The following PLCB4 variants were observed in gnomAD, a reference collection of about 807,000 sequenced individuals.
The protein encoded by PLCB4 is phospholipase C beta 4.
PLCB4 carries 77 observed loss-of-function variants against 178.8 expected under a neutral mutation model. The observed-to-expected ratio is 0.43, with a 90% CI of 0.36 to 0.52. The LOEUF is 0.52. PLCB4 is among the 20% of genes least tolerant of loss of function. The pLI is 0.00. For synonymous variants in PLCB4, 496 were observed against 490.8 expected (o/e 1.01, Z -0.14); for missense variants, 1,024 against 1,453.4 (o/e 0.70, Z 4.80).
At chr20:9,469,600 C>A (rs528229087) in intron 36 of PLCB4, among the ~76,000 whole-genome samples, 23 of 152,218 alleles carry the variant, frequency 1.5e-4, no homozygotes, top group African/African-American at 2.2e-4. Flanking sequence ...AGGCCCTAAG[C>A]AAGGATGTGG....
chr20:9,245,501 A>C (rs1014548916), intron 3 of PLCB4, among the ~76,000 whole-genome samples: 1 of 152,152 alleles, frequency 6.6e-6, no homozygotes, highest in Non-Finnish European at 1.5e-5. Flanking sequence ...GCATCTCTAC[A>C]AAAGAGAGGC....
intron 12 of PLCB4, among the ~76,000 whole-genome samples, chr20:9,374,730 A>G (rs1210801785): frequency 1.3e-5 from 2 of 152,172 alleles, no homozygotes; most frequent in African/African-American, 4.8e-5. Flanking sequence ...ATAGGCTCTT[A>G]TCTAATGCAT....
chr20:9,242,000 G>A (rs2094068645), intron 3 of PLCB4, among the ~76,000 whole-genome samples: 1 of 152,146 alleles, frequency 6.6e-6, no homozygotes, highest in African/African-American at 2.4e-5. Flanking sequence ...GTTAGCCTGG[G>A]CTTGTTTGAG....
intron 1 of PLCB4, among the ~76,000 whole-genome samples, chr20:9,095,746 C>T (rs934616695): frequency 2.6e-5 from 4 of 151,928 alleles, no homozygotes; most frequent in African/African-American, 9.7e-5. Flanking sequence ...ATCTAAAAGT[C>T]TTAGCTAAGA....
At chr20:9,388,579 G>A (rs942612343) in intron 15 of PLCB4, among the ~76,000 whole-genome samples, 1 of 152,184 alleles carries the variant, frequency 6.6e-6, no homozygotes, top group African/African-American at 2.4e-5. Context: ...ATTAGCTGGT[G>A]TGGTGGCATG....
At chr20:9,470,244 T>C (rs1275678519) in intron 36 of PLCB4, among the ~76,000 whole-genome samples, 4 of 151,998 alleles carry the variant, frequency 2.6e-5, no homozygotes, top group Admixed American at 2.6e-4. Context: ...GGCAGGAGAA[T>C]TGCTTGAACC....
intron 3 of PLCB4, among the ~76,000 whole-genome samples, chr20:9,305,505 G>T (rs949797805): frequency 2.0e-5 from 3 of 151,880 alleles, no homozygotes; most frequent in South Asian, 4.2e-4. Context: ...TCTAGGATTT[G>T]GGTTGGCTAA....
At chr20:9,387,203 G>A (rs1212658357) in intron 14 of PLCB4, among the ~76,000 whole-genome samples, 1 of 151,988 alleles carries the variant, frequency 6.6e-6, no homozygotes, top group Non-Finnish European at 1.5e-5. Flanking sequence ...GTCACAAGTA[G>A]GATTTCATCC....
chr20:9,334,523 T>C (rs925300720), intron 4 of PLCB4, among the ~76,000 whole-genome samples: 2 of 152,174 alleles, frequency 1.3e-5, no homozygotes, highest in Non-Finnish European at 2.9e-5. Context: ...GAATTTAAAC[T>C]AAAGCCAGAC....
chr20:9,272,569 A>G (rs925137573), intron 3 of PLCB4, among the ~76,000 whole-genome samples: 20 of 152,074 alleles, frequency 1.3e-4, no homozygotes, highest in African/African-American at 4.6e-4. Context: ...AAGCCTGGAC[A>G]ATATTGCTTT....
chr20:9,140,688 C>T (rs1436419617), intron 2 of PLCB4, among the ~76,000 whole-genome samples: 1 of 151,772 alleles, frequency 6.6e-6, no homozygotes, highest in African/African-American at 2.4e-5. Flanking sequence ...TCTCTTGCTC[C>T]CTCTCTTCCC....
intron 15 of PLCB4, among the ~76,000 whole-genome samples, chr20:9,388,259 A>G (rs1192320765): frequency 2.6e-5 from 4 of 152,228 alleles, no homozygotes; most frequent in African/African-American, 9.6e-5. Flanking sequence ...TAAGTAAATA[A>G]TAAGATAATG....
At chr20:9,250,153 C>CAA (rs1728067821) in intron 3 of PLCB4, among the ~76,000 whole-genome samples, 1 of 152,120 alleles carries the variant, frequency 6.6e-6, no homozygotes, top group Non-Finnish European at 1.5e-5. Flanking sequence ...TATTTTGGCA[C>CAA]AAAAAAATCC....
chr20:9,426,127 T>C (rs1445407734), intron 28 of PLCB4, among the ~76,000 whole-genome samples: 1 of 149,702 alleles, frequency 6.7e-6, no homozygotes, highest in Non-Finnish European at 1.5e-5. Flanking sequence ...AAAATGTTTT[T>C]TTTCCCCTAG....
chr20:9,074,077 C>T (rs538549345), intron 1 of PLCB4, among the ~76,000 whole-genome samples: 5 of 152,200 alleles, frequency 3.3e-5, no homozygotes, highest in Non-Finnish European at 7.4e-5. Context: ...GATCTTCAGG[C>T]GTTGGAATCA....
intron 20 of PLCB4, among the ~76,000 whole-genome samples, chr20:9,402,211 A>T (rs1168527018): frequency 6.6e-6 from 1 of 152,240 alleles, no homozygotes; most frequent in African/African-American, 2.4e-5. Context: ...TATAATTACA[A>T]CTTACGGTGA....
chr20:9,307,865 G>T lies in PLCB4; in HGVS notation c.51G>T (p.Leu17Phe). 1 of 1,587,176 alleles carries T rather than the reference G, an allele frequency of 6.3e-7. No homozygotes were observed. Among genetic ancestry groups the T allele is most frequent in the Non-Finnish European group, 8.6e-7 (1 of 1,157,224 alleles). Residue 17 changes from leucine (L) to phenylalanine (F), a missense_variant, in exon 4 of 40, where the codon TTG becomes TTT. Physicochemically the swap from Leu to Phe is conservative, Grantham distance 22 (BLOSUM62 0). Around this residue, in one of 7 missense-constraint regions of PLCB4, gnomAD observed 225 missense variants for 291.0 expected, o/e 0.77. Coordinates refer to ENST00000378473, the MANE Select transcript of PLCB4 (RefSeq NM_001377142.1). ...FNWQKEVPSF[L>F]QEGAVFDRYE... The stretch of plus-strand genomic sequence containing the variant: ...GGCAGAAGGAAGTTCCCTCCTTTTT[G>T]CAAGAAGGAGCAGTTTTTGACAGAT...
chr20:9,150,607 G>A (rs942450661), intron 2 of PLCB4, among the ~76,000 whole-genome samples: 3 of 151,980 alleles, frequency 2.0e-5, no homozygotes, highest in South Asian at 4.1e-4. Context: ...GCATCGTCTC[G>A]TCAGTTCTCA....
At chr20:9,270,328 T>A (rs6118553) in intron 3 of PLCB4, among the ~76,000 whole-genome samples, 4,818 of 152,240 alleles carry the variant, frequency 0.032, 129 homozygotes, top group African/African-American at 0.064. Flanking sequence ...GTTGTTTGTC[T>A]GTATTCCAGC....
Sources: allele counts gnomAD v4.1 joint callset (sites outside exome capture counted in the v4.1 genomes callset), GRCh38; gene constraint gnomAD v4.1.1; regional missense constraint gnomAD v4.1.1; transcripts MANE v1.5; gene names NCBI Gene and HGNC (gene_info 2026-07-23, HGNC 2026-07-21).